The following SNTG1 variants were observed in gnomAD, a reference collection of about 807,000 sequenced individuals.
SNTG1 encodes gamma-1-syntrophin.
A neutral mutation model predicts 74.7 loss-of-function variants in SNTG1; 39 were observed. That is an observed-to-expected ratio of 0.52 (90% confidence interval 0.40 to 0.68). SNTG1 has a LOEUF of 0.68. Ranked by LOEUF, SNTG1 falls within the 30% of genes least tolerant of loss-of-function variation. The pLI is 0.00. For synonymous variants in SNTG1, 254 were observed against 217.1 expected (o/e 1.17, Z -1.49); for missense variants, 685 against 609.5 (o/e 1.12, Z -1.30).
chr8:50,626,333 T>G (rs1466754817), intron 13 of SNTG1, among the ~76,000 whole-genome samples: 1 of 152,124 alleles, frequency 6.6e-6, no homozygotes, highest in Non-Finnish European at 1.5e-5. Flanking sequence ...TAGTTCAATT[T>G]GAGAAACTAG....
chr8:50,499,674 T>C (rs1409426151), intron 8 of SNTG1, among the ~76,000 whole-genome samples: 2 of 151,990 alleles, frequency 1.3e-5, no homozygotes, highest in South Asian at 2.1e-4. Flanking sequence ...GGTTTTTTTT[T>C]TATAGCTTCC....
intron 16 of SNTG1, among the ~76,000 whole-genome samples, chr8:50,707,005 T>A (rs953476383): frequency 6.6e-6 from 1 of 151,940 alleles, no homozygotes; most frequent in Non-Finnish European, 1.5e-5. Context: ...AGGAAACAAA[T>A]TAAACAACAA....
Position 50,793,183 on chromosome 8 carries a change from C to T in SNTG1, c.*354C>T, listed in dbSNP as rs1437881007. ...AAAAATACTTATTAAATGATTACTT[C>T]TGTATTTTAGATTATTTTGTATGAC... On this transcript the variant is annotated 3_prime_UTR_variant, in exon 19 of 19. Transcript: ENST00000642720. 6.2e-6 allele frequency: 1 copy of T among 162,352 alleles called. No individual in the cohort carries two copies. The highest frequency in any genetic ancestry group is 1.3e-5 in the Non-Finnish European group (1 of 75,172). The allele number at this position is 162,352 out of a possible 1,614,324, so 10.1% of individuals were successfully genotyped here. A position where few individuals can be genotyped will look rare whatever the true frequency, so the allele number is the denominator to read the frequency against.
At chr8:50,209,295 G>A (rs1489024229) in intron 2 of SNTG1, among the ~76,000 whole-genome samples, 1 of 152,324 alleles carries the variant, frequency 6.6e-6, no homozygotes, top group East Asian at 1.9e-4. Flanking sequence ...ACCTCTGGGG[G>A]CAGGGCATAG....
At chr8:50,397,613 C>T (rs1206226674) in intron 3 of SNTG1, among the ~76,000 whole-genome samples, 1 of 152,170 alleles carries the variant, frequency 6.6e-6, no homozygotes, top group Non-Finnish European at 1.5e-5. Flanking sequence ...TGCTTCAATA[C>T]AAGAAGAATA....
At chr8:50,195,383 A>G (rs535691991) in intron 2 of SNTG1, among the ~76,000 whole-genome samples, 1 of 152,102 alleles carries the variant, frequency 6.6e-6, no homozygotes, top group Non-Finnish European at 1.5e-5. Context: ...GCTGTGAAAG[A>G]AAAGGGCTTG....
intron 8 of SNTG1, among the ~76,000 whole-genome samples, chr8:50,460,034 G>A (rs78827233): frequency 0.057 from 8,616 of 152,208 alleles, 382 homozygotes; most frequent in South Asian, 0.18. Flanking sequence ...CCCAGTCATG[G>A]GAATGCTGAG....
At chr8:50,544,342 C>T (rs975862737) in intron 11 of SNTG1, among the ~76,000 whole-genome samples, 9 of 151,874 alleles carry the variant, frequency 5.9e-5, no homozygotes, top group Non-Finnish European at 1.3e-4. Context: ...TACTTAAAAT[C>T]GTATGTTAGA....
At chr8:50,766,028 C>T (rs2095612640) in intron 18 of SNTG1, among the ~76,000 whole-genome samples, 1 of 151,790 alleles carries the variant, frequency 6.6e-6, no homozygotes, top group Admixed American at 6.6e-5. Context: ...ATATAAAATA[C>T]CTGTAAACTG....
intron 18 of SNTG1, among the ~76,000 whole-genome samples, chr8:50,771,450 G>T (rs973883943): frequency 1.3e-5 from 2 of 152,114 alleles, no homozygotes; most frequent in Admixed American, 6.6e-5. Flanking sequence ...CTGCATGGTT[G>T]CATTTAACTG....
intron 18 of SNTG1, among the ~76,000 whole-genome samples, chr8:50,786,396 C>A (rs1452629902): frequency 1.3e-5 from 2 of 151,866 alleles, no homozygotes; most frequent in African/African-American, 2.4e-5. Context: ...ATCCCATGTG[C>A]ATAAATTAGA....
intron 1 of SNTG1, among the ~76,000 whole-genome samples, chr8:50,045,504 C>T (rs1001094219): frequency 5.8e-4 from 89 of 152,206 alleles, no homozygotes; most frequent in Non-Finnish European, 9.9e-4. Context: ...CCCACCAGAC[C>T]GCATCTCCAA....
chr8:50,689,058 T>C (rs1404675413), intron 15 of SNTG1, among the ~76,000 whole-genome samples: 2 of 130,988 alleles, frequency 1.5e-5, no homozygotes, highest in African/African-American at 5.9e-5. Context: ...GCTCTCTGTT[T>C]GTCTGTTATT....
intron 15 of SNTG1, among the ~76,000 whole-genome samples, chr8:50,694,585 G>T (rs186266828): frequency 4.0e-4 from 61 of 152,118 alleles, no homozygotes; most frequent in African/African-American, 1.4e-3. Context: ...CTCTTTTTAT[G>T]AGGATAACAT....
At chr8:50,684,104 G>C (rs1036942257) in intron 15 of SNTG1, among the ~76,000 whole-genome samples, 2 of 152,020 alleles carry the variant, frequency 1.3e-5, no homozygotes, top group Non-Finnish European at 2.9e-5. Flanking sequence ...TTATTTTTTG[G>C]AGGCAGGGCC....
chr8:50,581,063 A>G (rs992273332), intron 12 of SNTG1, among the ~76,000 whole-genome samples: 3 of 152,242 alleles, frequency 2.0e-5, no homozygotes, highest in African/African-American at 7.2e-5. Flanking sequence ...TCAAATTTAC[A>G]TTTTTAAAAT....
At chr8:50,168,722 G>A (rs559282261) in intron 1 of SNTG1, among the ~76,000 whole-genome samples, 8 of 152,158 alleles carry the variant, frequency 5.3e-5, no homozygotes, top group South Asian at 4.1e-4. Context: ...GAGATAATAC[G>A]AGTTGGAGTT....
chr8:50,579,987 G>A lies in SNTG1; in HGVS notation c.811-10892G>A, dbSNP rs549822625. On this transcript the variant is annotated intron_variant, in intron 12 of 18. Coordinates refer to ENST00000642720, the MANE Select transcript of SNTG1 (RefSeq NM_018967.5). ...TACTGACGGCTTGCACCGTGTGCTG[G>A]GAAAAGGAACAGACACTCAATGTCA... 2.9e-3 allele frequency among the ~76,000 whole-genome samples: 437 copies of A among 152,304 alleles called. 3 individuals are homozygous for A. The highest frequency in any genetic ancestry group is 0.016 in the South Asian group (79 of 4,826).
chr8:50,471,296 A>C (rs920460999), intron 8 of SNTG1, among the ~76,000 whole-genome samples: 7 of 151,750 alleles, frequency 4.6e-5, no homozygotes, highest in Admixed American at 4.6e-4. Context: ...GTTTCAATAG[A>C]CATTGCTTCA....
Sources: allele counts gnomAD v4.1 joint callset (sites outside exome capture counted in the v4.1 genomes callset), GRCh38; gene constraint gnomAD v4.1.1; transcripts MANE v1.5; gene names NCBI Gene and HGNC (gene_info 2026-07-23, HGNC 2026-07-21).